The following USP25 variants were observed in gnomAD, a reference collection of about 807,000 sequenced individuals.
The protein encoded by USP25 is ubiquitin specific peptidase 25.
USP25 carries 85 observed loss-of-function variants against 158.5 expected under a neutral mutation model. That is an observed-to-expected ratio of 0.54 (90% confidence interval 0.45 to 0.64). The LOEUF (loss-of-function observed/expected upper bound fraction) is 0.64, where lower values mean the gene tolerates loss of function less well. USP25 is among the 30% of genes least tolerant of loss of function. The probability of loss-of-function intolerance (pLI) is 0.00; values close to 1 mark genes in which losing one functional copy is unlikely to be tolerated. For missense variants in USP25, 1,242 were observed against 1,327.3 expected (o/e 0.94, Z 1.00); for synonymous variants, 464 against 460.4 (o/e 1.01, Z -0.10).
chr21:15,839,835 T>A (rs2038244041), intron 17 of USP25, among the ~76,000 whole-genome samples: 1 of 152,188 alleles, frequency 6.6e-6, no homozygotes, highest in Non-Finnish European at 1.5e-5. Flanking sequence ...AATTTTCCTG[T>A]CATTATGGCA....
At chr21:15,860,979 G>A (rs896600258) in intron 20 of USP25, among the ~76,000 whole-genome samples, 1 of 149,664 alleles carries the variant, frequency 6.7e-6, no homozygotes, top group East Asian at 1.9e-4. Context: ...TATATATAGA[G>A]AGAGAGAGAG....
In USP25 at chr21:15,778,703, A is replaced by G. The variant is rs118169606; in HGVS notation, c.392+676A>G. 2.4e-3 allele frequency among the ~76,000 whole-genome samples: 373 copies of G among 152,274 alleles called. 4 individuals are homozygous for G. In the East Asian group the frequency reaches 0.064, roughly 26 times the overall value. ...GATTCATCTAAGGACTAAAAAATACATTTGGTTTTCATAATACCTCTAAAA... is the reference window on the plus strand; with the variant it reads ...GATTCATCTAAGGACTAAAAAATACGTTTGGTTTTCATAATACCTCTAAAA... On this transcript the variant is annotated intron_variant, in intron 4 of 25. Transcript: ENST00000400183.
At chr21:15,811,321 C>A in intron 9 of USP25, 111 bp downstream of exon 9, 1 of 964,474 alleles carries the variant, frequency 1.0e-6, no homozygotes, top group Non-Finnish European at 1.5e-6. Flanking sequence ...TTGATATATT[C>A]TGTCTAGTAA....
chr21:15,788,868 T>A (rs1434212828), intron 4 of USP25, among the ~76,000 whole-genome samples: 1 of 152,118 alleles, frequency 6.6e-6, no homozygotes, highest in East Asian at 1.9e-4. Context: ...AAATCTTAGG[T>A]GACTTTGAGG....
chr21:15,846,158 A>ATTTTT (rs397973617), intron 18 of USP25, among the ~76,000 whole-genome samples: 2 of 23,952 alleles, frequency 8.4e-5, no homozygotes, highest in East Asian at 1.5e-3. Context: ...ATATATATAT[A>ATTTTT]TTTTTTTTTT....
intron 20 of USP25, among the ~76,000 whole-genome samples, chr21:15,861,583 A>G (rs529526022): frequency 1.6e-4 from 25 of 151,996 alleles, no homozygotes; most frequent in African/African-American, 5.5e-4. Flanking sequence ...ACTCTGCTAA[A>G]TATACTAGCA....
At chr21:15,786,494 G>A (rs1462164259) in intron 4 of USP25, among the ~76,000 whole-genome samples, 1 of 151,974 alleles carries the variant, frequency 6.6e-6, no homozygotes, top group Non-Finnish European at 1.5e-5. Flanking sequence ...CAATAAATGC[G>A]ATACATCACA....
At chr21:15,846,294 C>T (rs994671594) in intron 18 of USP25, among the ~76,000 whole-genome samples, 2 of 149,212 alleles carry the variant, frequency 1.3e-5, no homozygotes, top group Non-Finnish European at 3.0e-5. Context: ...TCCCAAGTAG[C>T]TGGGATTACA....
chr21:15,804,984 A>G, intron 6 of USP25, 137 bp from the exon 7 acceptor site: 1 of 888,290 alleles, frequency 1.1e-6, no homozygotes, highest in South Asian at 2.5e-5. Flanking sequence ...TTCTTCAATT[A>G]TGATAGAGTG....
In USP25 at chr21:15,810,528, A is replaced by G. The variant is rs547634140; in HGVS notation, c.858-609A>G. Among the ~76,000 whole-genome samples the G allele has an allele frequency of 2.6e-5, 4 of 152,302 alleles. No individual in the cohort carries two copies. In the South Asian group the frequency reaches 8.3e-4, roughly 32 times the overall value. On this transcript the variant is annotated intron_variant, in intron 8 of 25. Coordinates refer to ENST00000400183, the MANE Select transcript of USP25 (RefSeq NM_001283041.3). ...TTTGCTCCAAGCAGAAAAGAAAAAA[A>G]TGAATTTTGGTATTAAATGACTTGG...
At chr21:15,825,640 C>T (rs147870325) in intron 12 of USP25, among the ~76,000 whole-genome samples, 2 of 152,280 alleles carry the variant, frequency 1.3e-5, no homozygotes, top group Non-Finnish European at 2.9e-5. Flanking sequence ...AAATGTTCTA[C>T]AGGCCAGACA....
chr21:15,777,122 G>A (rs1027536760), intron 3 of USP25, among the ~76,000 whole-genome samples: 1 of 152,022 alleles, frequency 6.6e-6, no homozygotes, highest in African/African-American at 2.4e-5. Context: ...TATTGAAGGC[G>A]GTATTAGTTG....
chr21:15,746,283 G>T (rs2032555069), intron 1 of USP25, among the ~76,000 whole-genome samples: 2 of 152,126 alleles, frequency 1.3e-5, no homozygotes, highest in African/African-American at 4.8e-5. Flanking sequence ...TGACTGTTTG[G>T]ACATCTTTAC....
chr21:15,852,291 A>T (rs2038925710), intron 20 of USP25, among the ~76,000 whole-genome samples: 3 of 152,126 alleles, frequency 2.0e-5, no homozygotes, highest in Admixed American at 2.0e-4. Context: ...ACTTACAAGA[A>T]TAGTGGGAAT....
rs528734773 is a variant in USP25 at position 15,837,968 on chromosome 21, C to T, written c.2194+4420C>T. ...TTTTTTTTTTTCTGAGACAGTTTCA[C>T]TTTGTTGCCCAGGCTGAAGTGCAGT... On this transcript the variant is annotated intron_variant, in intron 17 of 25. Coordinates refer to ENST00000400183, the MANE Select transcript of USP25 (RefSeq NM_001283041.3). Among the ~76,000 whole-genome samples the T allele has an allele frequency of 3.3e-4, 50 of 151,326 alleles. 1 individual carries two copies. Among genetic ancestry groups the T allele is most frequent in the Non-Finnish European group, 6.6e-4 (45 of 67,844 alleles).
At chr21:15,847,859 AC>A (rs1465856478) in intron 19 of USP25, 83 bp downstream of exon 19, 179 of 805,308 alleles carry the variant, frequency 2.2e-4, no homozygotes, top group Non-Finnish European at 3.4e-4. Flanking sequence ...GCACCCTCAT[AC>A]TTAATGTCTA....
intron 15 of USP25, 145 bp from the exon 16 acceptor site, chr21:15,831,256 C>T: frequency 2.9e-6 from 2 of 698,412 alleles, no homozygotes; most frequent in Non-Finnish European, 4.7e-6. Flanking sequence ...TTTTTTCAAA[C>T]TTTTAAGCCC....
rs1341609296 is a variant in USP25, at chr21:15,762,887, C to G, written c.46-4C>G. The G allele has an allele frequency of 1.9e-6, 3 of 1,611,848 alleles. No individual in the cohort carries two copies. Among genetic ancestry groups the G allele is most frequent in the Non-Finnish European group, 2.5e-6 (3 of 1,178,842 alleles). On this transcript the variant is annotated splice_region_variant and splice_polypyrimidine_tract_variant and intron_variant, in intron 1 of 25. Coordinates refer to ENST00000400183, the MANE Select transcript of USP25 (RefSeq NM_001283041.3). The stretch of plus-strand genomic sequence containing the variant: ...TAATGATTTTGGGTTTTTCCTCCCT[C>G]TAGCACCAGCAGACGTTTTTGAATC...
chr21:15,845,982 C>T (rs2038566046), intron 18 of USP25, among the ~76,000 whole-genome samples: 1 of 151,328 alleles, frequency 6.6e-6, no homozygotes, highest in South Asian at 2.1e-4. Flanking sequence ...ACAGCCGTTA[C>T]ATACCTGGTG....
Sources: allele counts gnomAD v4.1 joint callset (sites outside exome capture counted in the v4.1 genomes callset), GRCh38; gene constraint gnomAD v4.1.1; transcripts MANE v1.5; gene names NCBI Gene and HGNC (gene_info 2026-07-23, HGNC 2026-07-21).